GALNT14: variants seen among roughly 807,000 people sequenced by gnomAD.
GALNT14 encodes the protein polypeptide N-acetylgalactosaminyltransferase 14, also known as UDP-GalNAc:polypeptide N-acetylgalactosaminyltransferase 14.
GALNT14 carries 60 observed loss-of-function variants against 77.5 expected under a neutral mutation model. The observed-to-expected ratio is 0.77, with a 90% CI of 0.63 to 0.96. GALNT14 has a LOEUF of 0.96. Ranked by LOEUF, GALNT14 falls within the 40% of genes least tolerant of loss-of-function variation. The pLI, the probability that GALNT14 is intolerant of heterozygous loss-of-function variation, is 0.00. For missense variants in GALNT14, 710 were observed against 731.0 expected (o/e 0.97, Z 0.33); for synonymous variants, 280 against 281.7 (o/e 0.99, Z 0.06).
At chr2:31,126,650 CAT>C (rs1193400813) in intron 1 of GALNT14, 1 of 152,190 alleles carries the variant, frequency 6.6e-6, no homozygotes, top group Non-Finnish European at 1.5e-5. Flanking sequence ...ACTCACATCA[CAT>C]AATTCTATTC....
At chr2:31,091,601 T>C (rs1479765605) in intron 1 of GALNT14, among the ~76,000 whole-genome samples, 2 of 152,182 alleles carry the variant, frequency 1.3e-5, no homozygotes, top group African/African-American at 2.4e-5. Flanking sequence ...ACTAGGTGGC[T>C]TACAAATAAC....
At chr2:30,938,277 C>T (rs1017111079) in intron 9 of GALNT14, among the ~76,000 whole-genome samples, 2 of 149,924 alleles carry the variant, frequency 1.3e-5, no homozygotes, top group South Asian at 2.1e-4. Context: ...AAATATGCAC[C>T]GCTTACATAC....
intron 3 of GALNT14, among the ~76,000 whole-genome samples, chr2:30,963,439 T>C (rs1377916219): frequency 1.3e-5 from 2 of 152,186 alleles, no homozygotes; most frequent in African/African-American, 4.8e-5. Flanking sequence ...GTAATCTTAT[T>C]AAGTATCATT....
intron 1 of GALNT14, among the ~76,000 whole-genome samples, chr2:31,008,926 C>A (rs950731199): frequency 6.6e-6 from 1 of 152,136 alleles, no homozygotes; most frequent in African/African-American, 2.4e-5. Context: ...GGATGCCAGA[C>A]AAGCATGAGA....
intron 6 of GALNT14, among the ~76,000 whole-genome samples, chr2:30,955,268 A>C (rs1309507513): frequency 6.6e-6 from 1 of 152,164 alleles, no homozygotes; most frequent in African/African-American, 2.4e-5. Context: ...AAAGACACCC[A>C]TAAGGGTTCC....
chr2:30,964,683 C>T (rs1028858876), intron 3 of GALNT14, among the ~76,000 whole-genome samples: 1 of 152,210 alleles, frequency 6.6e-6, no homozygotes, highest in Non-Finnish European at 1.5e-5. Context: ...GGGCTGTCCC[C>T]TTGGATGGGT....
intron 1 of GALNT14, among the ~76,000 whole-genome samples, chr2:31,032,933 G>C (rs1465193680): frequency 6.6e-6 from 1 of 152,176 alleles, no homozygotes; most frequent in Non-Finnish European, 1.5e-5. Flanking sequence ...CACTGGAACA[G>C]TCAGCTCCCA....
chr2:31,036,282 A>AT lies in GALNT14; in HGVS notation c.130-43276dup, dbSNP rs149679256. On this transcript the variant is annotated intron_variant, in intron 1 of 14. Coordinates refer to ENST00000349752, the MANE Select transcript of GALNT14 (RefSeq NM_024572.4). The stretch of plus-strand genomic sequence containing the variant: ...ATACCATTTTTGTTCCCTTGTTGCT[A>AT]TTTTTTTTACTTATTTTCTTAGTAG... Among the ~76,000 whole-genome samples, 845 of 151,780 alleles carry AT rather than the reference A, an allele frequency of 5.6e-3. 61 individuals carry two copies. In the East Asian group the frequency reaches 0.14, roughly 26 times the overall value.
intron 1 of GALNT14, among the ~76,000 whole-genome samples, chr2:31,094,565 A>G (rs1676912253): frequency 6.6e-6 from 1 of 152,236 alleles, no homozygotes; most frequent in Admixed American, 6.5e-5. Context: ...TGCTCCAGCA[A>G]TAGGATAGCC....
intron 9 of GALNT14, among the ~76,000 whole-genome samples, chr2:30,940,424 G>A (rs936867470): frequency 1.3e-5 from 2 of 152,228 alleles, no homozygotes; most frequent in Non-Finnish European, 2.9e-5. Context: ...TACAAGCCCT[G>A]ACAGACAGAA....
At chr2:31,053,163 TGCTGGTGTTCCACTGG>T (rs929948616) in intron 1 of GALNT14, among the ~76,000 whole-genome samples, 2 of 152,172 alleles carry the variant, frequency 1.3e-5, no homozygotes, top group Non-Finnish European at 2.9e-5. Context: ...TATATGCCTG[TGCTGGTGTTCCACTGG>T]GCACTTCTTC....
chr2:30,893,628 A>C, the GALNT14 span, among the ~76,000 whole-genome samples: 1 of 152,236 alleles, frequency 6.6e-6, no homozygotes, highest in African/African-American at 2.4e-5. Flanking sequence ...TTCAAGAAAT[A>C]GCAGAATAAT....
At chr2:31,029,068 C>T (rs201310619) in intron 1 of GALNT14, among the ~76,000 whole-genome samples, 4 of 152,114 alleles carry the variant, frequency 2.6e-5, no homozygotes, top group African/African-American at 9.7e-5. Flanking sequence ...AACTGCCCCA[C>T]CCAACAAGAA....
At chr2:30,933,739 C>T (rs1665886665) in intron 9 of GALNT14, among the ~76,000 whole-genome samples, 1 of 152,222 alleles carries the variant, frequency 6.6e-6, no homozygotes, top group Non-Finnish European at 1.5e-5. Context: ...TTTAGCTTCA[C>T]AGTCAGCAGG....
At chr2:31,045,984 A>G (rs1673429306) in intron 1 of GALNT14, among the ~76,000 whole-genome samples, 1 of 152,194 alleles carries the variant, frequency 6.6e-6, no homozygotes. Flanking sequence ...GGAATAAAGT[A>G]GAGAAGAGTA....
At chr2:30,898,343 C>T in the GALNT14 span, among the ~76,000 whole-genome samples, 60 of 152,280 alleles carry the variant, frequency 3.9e-4, no homozygotes, top group African/African-American at 1.3e-3. Context: ...GGTCATCCCT[C>T]GACACTCACA....
intron 13 of GALNT14, among the ~76,000 whole-genome samples, chr2:30,919,571 G>T (rs191689612): frequency 1.1e-3 from 167 of 152,322 alleles, no homozygotes; most frequent in African/African-American, 3.9e-3. Context: ...CAGGGCAAAA[G>T]GACCAAGCCT....
At chr2:31,022,526 C>T (rs1231099444) in intron 1 of GALNT14, among the ~76,000 whole-genome samples, 3 of 152,200 alleles carry the variant, frequency 2.0e-5, no homozygotes, top group Admixed American at 6.5e-5. Flanking sequence ...CACACAGGGC[C>T]TCCAGTTGCC....
At chr2:30,893,914 T>C in the GALNT14 span, among the ~76,000 whole-genome samples, 2 of 152,212 alleles carry the variant, frequency 1.3e-5, no homozygotes, top group Admixed American at 6.5e-5. Context: ...CTTGTCTTGA[T>C]TGGAAAAGAC....
Sources: allele counts gnomAD v4.1 joint callset (sites outside exome capture counted in the v4.1 genomes callset), GRCh38; gene constraint gnomAD v4.1.1; transcripts MANE v1.5; gene names NCBI Gene and HGNC (gene_info 2026-07-23, HGNC 2026-07-21).